The following EPC1 variants were observed in gnomAD, a reference collection of about 807,000 sequenced individuals.
EPC1 encodes enhancer of polycomb 1.
EPC1 carries 12 observed loss-of-function variants against 98.4 expected under a neutral mutation model. That is an observed-to-expected ratio of 0.12 (90% confidence interval 0.08 to 0.20). The LOEUF is 0.20. Ranked by LOEUF, EPC1 falls within the 10% of genes least tolerant of loss-of-function variation. EPC1 has a pLI of 1.00. For missense variants in EPC1, 729 were observed against 990.5 expected, an observed-to-expected ratio of 0.74 and a Z score of 3.54; for synonymous variants, 357 against 363.9, an observed-to-expected ratio of 0.98 and a Z score of 0.21.
At chr10:32,282,437 T>G (rs907152100) in intron 10 of EPC1, 1 of 152,244 alleles carries the variant, frequency 6.6e-6, no homozygotes, top group Non-Finnish European at 1.5e-5. Flanking sequence ...GGGGGATCAC[T>G]GAGCCTGGGA....
At chr10:32,308,338 C>T (rs1013730812) in intron 1 of EPC1, among the ~76,000 whole-genome samples, 2 of 151,324 alleles carry the variant, frequency 1.3e-5, no homozygotes, top group Admixed American at 6.6e-5. Flanking sequence ...TTCAGTGAGC[C>T]GAGACTGCAC....
intron 1 of EPC1, among the ~76,000 whole-genome samples, chr10:32,355,114 G>T (rs1839234013): frequency 6.6e-6 from 1 of 152,284 alleles, no homozygotes; most frequent in South Asian, 2.1e-4. Flanking sequence ...CCATAGAAAA[G>T]TTGTCTCCCA....
intron 1 of EPC1, among the ~76,000 whole-genome samples, chr10:32,356,141 A>G (rs1446174591): frequency 6.6e-6 from 1 of 152,182 alleles, no homozygotes; most frequent in African/African-American, 2.4e-5. Context: ...GAGAGAAAAT[A>G]TCATGAATTG....
chr10:32,283,747 C>T (rs2132688625), intron 10 of EPC1: 1 of 152,274 alleles, frequency 6.6e-6, no homozygotes, highest in South Asian at 2.1e-4. Context: ...ATTGGTAATT[C>T]TGGTCAGGAG....
At chr10:32,358,021 A>G (rs1210132770) in intron 1 of EPC1, among the ~76,000 whole-genome samples, 1 of 151,380 alleles carries the variant, frequency 6.6e-6, no homozygotes, top group Non-Finnish European at 1.5e-5. Flanking sequence ...TACCCAGCTA[A>G]TTTTTGTATT....
At chr10:32,362,654 G>A (rs184336561) in intron 1 of EPC1, among the ~76,000 whole-genome samples, 21 of 152,172 alleles carry the variant, frequency 1.4e-4, no homozygotes, top group Middle Eastern at 3.4e-3. Context: ...AGGTATTTAC[G>A]GCAATGCAAG....
chr10:32,338,843 G>A (rs1431569883), intron 1 of EPC1, among the ~76,000 whole-genome samples: 3 of 151,820 alleles, frequency 2.0e-5, no homozygotes, highest in Non-Finnish European at 4.4e-5. Flanking sequence ...GGAGGCTGAG[G>A]TGGGAGGAGC....
At chr10:32,368,028 C>G (rs1000835787) in intron 1 of EPC1, among the ~76,000 whole-genome samples, 2 of 152,206 alleles carry the variant, frequency 1.3e-5, no homozygotes, top group Non-Finnish European at 2.9e-5. Context: ...TCCACACTTA[C>G]TGAAAATTGT....
rs773766218 is a variant in EPC1, at chr10:32,287,252, C to T, written c.998G>A (p.Arg333Gln). ...CTTCTTTTCATATTTCCGTTTCGGT[C>T]GGATAAGATCGGCTTTATCTTGCTG... ...VNKQDKADLI[R>Q]PKRKYEKKPK... Residue 333 changes from arginine (R) to glutamine (Q), a missense_variant, in exon 7 of 14, where the codon CGA (arginine) becomes CAA (glutamine). This residue lies in a region of EPC1 where 390 missense variants were observed against 438.6 expected (regional missense o/e 0.89). Coordinates refer to ENST00000319778, the MANE Select transcript of EPC1 (RefSeq NM_001272004.3). The T allele has an allele frequency of 1.2e-5, 20 of 1,613,774 alleles. No individual in the cohort carries two copies. The highest frequency in any genetic ancestry group is 6.7e-5 in the African/African-American group (5 of 74,866).
intron 1 of EPC1, among the ~76,000 whole-genome samples, chr10:32,314,522 T>A (rs1836440914): frequency 6.6e-6 from 1 of 152,214 alleles, no homozygotes; most frequent in African/African-American, 2.4e-5. Flanking sequence ...TTTTTATTAT[T>A]TGCAAAATAT....
chr10:32,346,602 TCG>T (rs1377200075), intron 1 of EPC1, 159 bp downstream of exon 1: 2 of 703,976 alleles, frequency 2.8e-6, no homozygotes, highest in African/African-American at 3.7e-5. Flanking sequence ...CGGCCGGGGG[TCG>T]AGGCTGGGGG....
chr10:32,314,679 G>A (rs1274940200), intron 1 of EPC1, among the ~76,000 whole-genome samples: 1 of 152,104 alleles, frequency 6.6e-6, no homozygotes, highest in African/African-American at 2.4e-5. Flanking sequence ...AACACAAAAG[G>A]GTAAGCCTGC....
At chr10:32,295,495 T>G (rs1396280795) in intron 2 of EPC1, among the ~76,000 whole-genome samples, 2 of 152,226 alleles carry the variant, frequency 1.3e-5, no homozygotes, top group Non-Finnish European at 2.9e-5. Context: ...TAAAAATTTC[T>G]AGATGTTAAC....
rs60610378 is a variant in EPC1, at chr10:32,293,733, A to G, written c.318T>C (p.Phe106=). The G allele has an allele frequency of 3.6e-3, 5,836 of 1,610,002 alleles. 174 individuals are homozygous for G. The African/African-American group carries it at 0.064, about 18-fold the overall frequency. The change falls in exon 3 of 14, where the codon TTT becomes TTC. Residue 106 remains phenylalanine (F), a synonymous_variant. Coordinates refer to ENST00000319778, the MANE Select transcript of EPC1 (RefSeq NM_001272004.3). ...AATCAGGCTGTTCAGCATCCAAACT[A>G]AAAGCTGACAGAAGGAACCATATGC... ...MPKQLIHIQP[F]SLDAEQPDYD...
At chr10:32,313,828 G>A (rs1291612395) in intron 1 of EPC1, among the ~76,000 whole-genome samples, 4 of 152,120 alleles carry the variant, frequency 2.6e-5, no homozygotes, top group African/African-American at 9.7e-5. Context: ...GGAGGCTGCA[G>A]TGAGCTGAGA....
chr10:32,316,531 T>A (rs1028657963), intron 1 of EPC1, among the ~76,000 whole-genome samples: 1 of 152,050 alleles, frequency 6.6e-6, no homozygotes, highest in Non-Finnish European at 1.5e-5. Context: ...CATGGGTAAA[T>A]CTCAAAAACA....
chr10:32,290,378 C>T (rs113412621), intron 6 of EPC1, among the ~76,000 whole-genome samples: 23,678 of 146,048 alleles, frequency 0.16, 2,107 homozygotes, highest in South Asian at 0.34. Flanking sequence ...CCCAGCTACT[C>T]GGGGAGGCGA....
chr10:32,308,654 C>T (rs1334073369), intron 1 of EPC1, among the ~76,000 whole-genome samples: 2 of 152,032 alleles, frequency 1.3e-5, no homozygotes, highest in East Asian at 1.9e-4. Flanking sequence ...AAAAATGTTC[C>T]CACAGGAATC....
chr10:32,354,459 A>T (rs977097822), intron 1 of EPC1, among the ~76,000 whole-genome samples: 2 of 152,138 alleles, frequency 1.3e-5, no homozygotes, highest in Non-Finnish European at 1.5e-5. Flanking sequence ...GCCTCAAAAA[A>T]AAGAAAGAAA....
Sources: allele counts gnomAD v4.1 joint callset (sites outside exome capture counted in the v4.1 genomes callset), GRCh38; gene constraint gnomAD v4.1.1; regional missense constraint gnomAD v4.1.1; transcripts MANE v1.5; gene names NCBI Gene and HGNC (gene_info 2026-07-23, HGNC 2026-07-21).